The following LRFN2 variants were observed in gnomAD, a reference collection of about 807,000 sequenced individuals.
LRFN2 encodes leucine rich repeat and fibronectin type III domain containing 2.
In LRFN2, 18 loss-of-function variants were observed where a neutral mutation model predicts 37.3. The ratio of observed to expected loss-of-function variants is 0.48; its 90% CI spans 0.33 to 0.72. The LOEUF (loss-of-function observed/expected upper bound fraction) is 0.72. LRFN2 is among the 30% of genes least tolerant of loss of function. The pLI, the probability that LRFN2 is intolerant of heterozygous loss-of-function variation, is 0.02. For synonymous variants in LRFN2, 556 were observed against 466.6 expected (o/e 1.19, Z -2.47); for missense variants, 1,006 against 1,060.7 (o/e 0.95, Z 0.72).
rs111861653 is a variant in LRFN2, at chr6:40,545,570, C to T, written c.-19+41371G>A. Among the ~76,000 whole-genome samples the T allele has an allele frequency of 9.4e-3, 1,428 of 152,202 alleles. 24 individuals are homozygous for T. The highest frequency in any genetic ancestry group is 0.032 in the African/African-American group (1,347 of 41,522). The stretch of plus-strand genomic sequence containing the variant: ...GAGTGGTGGAGGGGAGAGGCAGAGA[C>T]ACACAGCCATGGCCCCAGGCAGAGG... On this transcript the variant is annotated intron_variant, in intron 1 of 2. Transcript: ENST00000338305.
chr6:40,511,377 C>A (rs1006706281), intron 1 of LRFN2, among the ~76,000 whole-genome samples: 2 of 152,108 alleles, frequency 1.3e-5, no homozygotes. Context: ...TTGGACAGGT[C>A]ATTGATTGCA....
intron 1 of LRFN2, among the ~76,000 whole-genome samples, chr6:40,486,956 C>T (rs1459554375): frequency 2.0e-5 from 3 of 152,122 alleles, no homozygotes; most frequent in African/African-American, 7.2e-5. Flanking sequence ...TAGGTGTTCA[C>T]AGGTTTTATC....
At chr6:40,435,092 CA>C (rs1421618941) in intron 1 of LRFN2, among the ~76,000 whole-genome samples, 1 of 59,276 alleles carries the variant, frequency 1.7e-5, no homozygotes, top group Non-Finnish European at 3.4e-5. Flanking sequence ...GAGAGAGAGA[CA>C]GAGAGATAAT....
At chr6:40,408,376 T>C (rs972558554) in intron 2 of LRFN2, among the ~76,000 whole-genome samples, 3 of 152,128 alleles carry the variant, frequency 2.0e-5, no homozygotes, top group Non-Finnish European at 4.4e-5. Context: ...GGCAGGGGCT[T>C]CTTGGTTCTA....
chr6:40,488,525 A>G (rs573873215), intron 1 of LRFN2, among the ~76,000 whole-genome samples: 2 of 152,184 alleles, frequency 1.3e-5, no homozygotes, highest in African/African-American at 4.8e-5. Flanking sequence ...CCAGGTATAC[A>G]ACACACCAAC....
chr6:40,500,940 G>T lies in LRFN2; in HGVS notation c.-18-67809C>A, dbSNP rs138096749. ...TATTTTTTTCCTTTTGTACGCTTCT[G>T]TGTTTTTTCACTTTTTTTTTTTTTT... On this transcript the variant is annotated intron_variant, in intron 1 of 2. Coordinates refer to ENST00000338305, the MANE Select transcript of LRFN2 (RefSeq NM_020737.3). Among the ~76,000 whole-genome samples the T allele has an allele frequency of 6.6e-4, 92 of 140,110 alleles. No homozygotes were observed. The East Asian group carries it at 7.4e-3, about 11-fold the overall frequency. 91.9% of individuals were successfully genotyped at this position (140,110 alleles called of 152,430 possible).
At chr6:40,450,467 G>T (rs969857318) in intron 1 of LRFN2, among the ~76,000 whole-genome samples, 4 of 152,244 alleles carry the variant, frequency 2.6e-5, no homozygotes, top group African/African-American at 9.6e-5. Context: ...CATTGCAAGG[G>T]AGAGAGGGAG....
At chr6:40,452,442 C>A (rs1394676474) in intron 1 of LRFN2, among the ~76,000 whole-genome samples, 1 of 152,170 alleles carries the variant, frequency 6.6e-6, no homozygotes. Flanking sequence ...TGTCTCCAGT[C>A]AGTGTTAGAA....
chr6:40,551,066 C>T (rs144423778), intron 1 of LRFN2, among the ~76,000 whole-genome samples: 5 of 152,158 alleles, frequency 3.3e-5, no homozygotes, highest in South Asian at 2.1e-4. Context: ...GGTAAACCAA[C>T]GCAAGGATGG....
intron 2 of LRFN2, among the ~76,000 whole-genome samples, chr6:40,411,327 G>C (rs950612906): frequency 6.6e-6 from 1 of 152,190 alleles, no homozygotes; most frequent in African/African-American, 2.4e-5. Context: ...GGAGTAGGGG[G>C]GCTGTGTGAG....
At chr6:40,524,691 G>A (rs150575262) in intron 1 of LRFN2, among the ~76,000 whole-genome samples, 133 of 152,330 alleles carry the variant, frequency 8.7e-4, no homozygotes, top group Middle Eastern at 3.4e-3. Context: ...AACTTGGGGG[G>A]CCAAAGGGAT....
intron 2 of LRFN2, among the ~76,000 whole-genome samples, chr6:40,402,907 C>T (rs946544258): frequency 5.3e-5 from 8 of 152,112 alleles, no homozygotes; most frequent in East Asian, 3.9e-4. Flanking sequence ...GAGGGAACCA[C>T]GTGGATATCC....
At chr6:40,469,943 A>G (rs1764555041) in intron 1 of LRFN2, among the ~76,000 whole-genome samples, 2 of 152,216 alleles carry the variant, frequency 1.3e-5, no homozygotes, top group African/African-American at 2.4e-5. Context: ...ATCTACCCAC[A>G]GCTGGGTCCT....
At chr6:40,399,745 C>T (rs1438192213) in intron 2 of LRFN2, among the ~76,000 whole-genome samples, 2 of 151,856 alleles carry the variant, frequency 1.3e-5, no homozygotes, top group African/African-American at 2.4e-5. Context: ...GCCTGAATTC[C>T]CTCTTTCAAA....
intron 1 of LRFN2, among the ~76,000 whole-genome samples, chr6:40,464,083 C>T (rs771383996): frequency 3.3e-5 from 5 of 152,152 alleles, no homozygotes; most frequent in Non-Finnish European, 7.3e-5. Context: ...AGACTGTGTT[C>T]CACCAATTCC....
chr6:40,558,073 C>T (rs1766923980), intron 1 of LRFN2, among the ~76,000 whole-genome samples: 1 of 152,158 alleles, frequency 6.6e-6, no homozygotes, highest in Non-Finnish European at 1.5e-5. Flanking sequence ...CTCCTGACTC[C>T]ACGCACGTGA....
intron 1 of LRFN2, among the ~76,000 whole-genome samples, chr6:40,510,415 T>A (rs1047956226): frequency 2.0e-5 from 3 of 152,206 alleles, no homozygotes; most frequent in African/African-American, 7.2e-5. Flanking sequence ...TCCCCCTGTC[T>A]TTTTCCTGGT....
At chr6:40,548,440 C>CAAAAAAAAAAAAAAAAAAA (rs67639435) in intron 1 of LRFN2, among the ~76,000 whole-genome samples, 9 of 142,646 alleles carry the variant, frequency 6.3e-5, no homozygotes, top group African/African-American at 1.8e-4. Context: ...GACTCCATCT[C>CAAAAAAAAAAAAAAAAAAA]AAAAAAAAAA....
chr6:40,503,112 G>A (rs1008483515), intron 1 of LRFN2, among the ~76,000 whole-genome samples: 1 of 152,208 alleles, frequency 6.6e-6, no homozygotes, highest in Non-Finnish European at 1.5e-5. Context: ...GAGGTTGGGT[G>A]GGCCAGCCAT....
Sources: allele counts gnomAD v4.1 joint callset (sites outside exome capture counted in the v4.1 genomes callset), GRCh38; gene constraint gnomAD v4.1.1; transcripts MANE v1.5; gene names NCBI Gene and HGNC (gene_info 2026-07-23, HGNC 2026-07-21).